Variants in SOX6 observed in about 807,000 individuals in gnomAD.
The protein encoded by SOX6 is transcription factor SOX-6.
In SOX6, 11 loss-of-function variants were observed where a neutral mutation model predicts 97.8. That is an observed-to-expected ratio of 0.11 (90% CI 0.07 to 0.19). SOX6 has a LOEUF of 0.19. SOX6 is among the 10% of genes least tolerant of loss of function. The probability of loss-of-function intolerance (pLI) is 1.00; values close to 1 mark genes in which losing one functional copy is unlikely to be tolerated. For missense variants in SOX6, 810 were observed against 1,039.5 expected, an observed-to-expected ratio of 0.78 and a Z score of 3.04; for synonymous variants, 360 against 371.4, an observed-to-expected ratio of 0.97 and a Z score of 0.35.
At chr11:16,210,120 G>A (rs986003361) in intron 4 of SOX6, among the ~76,000 whole-genome samples, 1 of 152,056 alleles carries the variant, frequency 6.6e-6, no homozygotes, top group African/African-American at 2.4e-5. Context: ...AGATGACCCA[G>A]CAATTCCATC....
At chr11:16,373,773 G>T (rs954176950) in intron 1 of SOX6, among the ~76,000 whole-genome samples, 1 of 146,084 alleles carries the variant, frequency 6.8e-6, no homozygotes, top group Non-Finnish European at 1.5e-5. Flanking sequence ...ACATTATTAG[G>T]TCATAACCAT....
chr11:16,408,211 C>G (rs1315233399), intron 1 of SOX6, among the ~76,000 whole-genome samples: 1 of 152,126 alleles, frequency 6.6e-6, no homozygotes, highest in Non-Finnish European at 1.5e-5. Flanking sequence ...AACACTAAGT[C>G]CATGTTCAGA....
chr11:16,530,851 G>A (rs1213390938), intron 4 of SOX6, among the ~76,000 whole-genome samples: 3 of 151,508 alleles, frequency 2.0e-5, no homozygotes, highest in African/African-American at 7.2e-5. Flanking sequence ...CTGACTTAAG[G>A]TGCTTCGTTG....
intron 1 of SOX6, among the ~76,000 whole-genome samples, chr11:16,388,665 CACA>C (rs1054443209): frequency 1.3e-4 from 20 of 151,942 alleles, no homozygotes; most frequent in Admixed American, 3.3e-4. Flanking sequence ...TACAGATATT[CACA>C]ATATTTTCTT....
At chr11:15,992,455 C>G (rs1406899333) in intron 13 of SOX6, among the ~76,000 whole-genome samples, 2 of 152,042 alleles carry the variant, frequency 1.3e-5, no homozygotes, top group African/African-American at 2.4e-5. Flanking sequence ...TATTTTTGCC[C>G]CCTTCCTGTC....
intron 1 of SOX6, among the ~76,000 whole-genome samples, chr11:16,462,513 C>A (rs1049605680): frequency 6.6e-6 from 1 of 151,858 alleles, no homozygotes; most frequent in African/African-American, 2.4e-5. Context: ...GAAAGCAGAA[C>A]GGAAAGGCAG....
Position 15,972,535 on chromosome 11 carries a change from G to T in SOX6, c.*274C>A, listed in dbSNP as rs540325573. The T allele has an allele frequency of 2.2e-6, 1 of 458,126 alleles. No individual in the cohort carries two copies. The highest frequency in any genetic ancestry group is 3.8e-5 in the Admixed American group (1 of 26,332). The allele number at this position is 458,126 out of a possible 1,614,324, so 28.4% of individuals were successfully genotyped here. A position where few individuals can be genotyped will look rare whatever the true frequency, so the allele number is the denominator to read the frequency against. Reference sequence around the variant, plus strand: ...AATATAAGACTTGTAAGACATCTACGGGTTGAGATAAGTTTCAAGTCCTGG... The same window carrying T: ...AATATAAGACTTGTAAGACATCTACTGGTTGAGATAAGTTTCAAGTCCTGG... On this transcript the variant is annotated 3_prime_UTR_variant, in exon 16 of 16. Coordinates refer to ENST00000683767, the MANE Select transcript of SOX6 (RefSeq NM_001367873.1).
intron 1 of SOX6, among the ~76,000 whole-genome samples, chr11:16,428,448 T>C (rs546565404): frequency 1.3e-5 from 2 of 152,378 alleles, no homozygotes; most frequent in East Asian, 3.9e-4. Context: ...CTAGGGTTTT[T>C]ATGGTTTTAG....
Position 16,561,096 on chromosome 11 carries a change from T to C in SOX6, n.609+50985A>G, listed in dbSNP as rs75592731. ...ACTTATCCATGTAACCAAAACCACC[T>C]GTTCCCAAAAAACTATTGAAATATT... On this transcript the variant is annotated intron_variant and non_coding_transcript_variant, in intron 4 of 5. Coordinates refer to the SOX6 transcript ENST00000524520. Among the ~76,000 whole-genome samples, 481 of 151,866 alleles carry C rather than the reference T, an allele frequency of 3.2e-3. 4 individuals carry two copies. The highest frequency in any genetic ancestry group is 0.011 in the African/African-American group (454 of 41,420).
At chr11:16,074,929 T>C (rs556614529) in intron 9 of SOX6, among the ~76,000 whole-genome samples, 11 of 151,724 alleles carry the variant, frequency 7.3e-5, no homozygotes, top group Non-Finnish European at 1.5e-4. Flanking sequence ...CTAAGCAAAA[T>C]ATAAAGGTGG....
intron 4 of SOX6, among the ~76,000 whole-genome samples, chr11:16,539,105 A>G (rs534868663): frequency 4.7e-4 from 71 of 152,368 alleles, no homozygotes; most frequent in African/African-American, 1.7e-3. Context: ...GTGAAAGAAC[A>G]GAAATCACAA....
chr11:16,671,609 G>GA (rs1014345038), intron 3 of SOX6, among the ~76,000 whole-genome samples: 4 of 151,806 alleles, frequency 2.6e-5, no homozygotes, highest in Non-Finnish European at 5.9e-5. Context: ...AAAAGAAAAT[G>GA]AAAAAAAATG....
Position 16,328,861 on chromosome 11 carries a change from T to TTCACATAC in SOX6, c.238-10209_238-10208insGTATGTGA, listed in dbSNP as rs1856190478. On this transcript the variant is annotated intron_variant, in intron 2 of 15. Transcript: ENST00000683767. Reference sequence around the variant, plus strand: ...TTTCTCAGAGGAAAAAAGTATGTTTTTTTCTAATGTGACATACTGTAAAGA... The same window carrying TTCACATAC: ...TTTCTCAGAGGAAAAAAGTATGTTTTTCACATACTTTCTAATGTGACATACTGTAAAGA... Among the ~76,000 whole-genome samples the TTCACATAC allele has an allele frequency of 1.1e-4, 16 of 152,278 alleles. No individual in the cohort carries two copies. In the South Asian group the frequency reaches 3.3e-3, roughly 32 times the overall value.
chr11:16,398,851 C>G (rs895753680), intron 1 of SOX6, among the ~76,000 whole-genome samples: 1 of 150,320 alleles, frequency 6.7e-6, no homozygotes, highest in African/African-American at 2.4e-5. Context: ...TAAAGGAAAA[C>G]CCTTGAGAAC....
intron 9 of SOX6, among the ~76,000 whole-genome samples, chr11:16,071,435 T>C (rs1012129942): frequency 6.6e-6 from 1 of 152,112 alleles, no homozygotes; most frequent in Non-Finnish European, 1.5e-5. Flanking sequence ...ATGACTCTAC[T>C]CAACCCCACC....
At chr11:16,048,172 A>G (rs1590158756) in intron 11 of SOX6, among the ~76,000 whole-genome samples, 2 of 152,224 alleles carry the variant, frequency 1.3e-5, no homozygotes, top group Non-Finnish European at 2.9e-5. Flanking sequence ...TCAACTCTAT[A>G]ATTTATCTCC....
At chr11:16,686,710 A>G (rs1590052136) in intron 3 of SOX6, among the ~76,000 whole-genome samples, 1 of 152,192 alleles carries the variant, frequency 6.6e-6, no homozygotes, top group Non-Finnish European at 1.5e-5. Flanking sequence ...GCTCATTACC[A>G]AATTCCAGAG....
At chr11:16,305,368 T>C (rs1169565968) in intron 3 of SOX6, among the ~76,000 whole-genome samples, 1 of 152,192 alleles carries the variant, frequency 6.6e-6, no homozygotes, top group Non-Finnish European at 1.5e-5. Context: ...AAGATATCAG[T>C]ACACACCTAT....
At chr11:16,313,538 G>A (rs570353058) in intron 3 of SOX6, 15 of 152,098 alleles carry the variant, frequency 9.9e-5, no homozygotes, top group Non-Finnish European at 1.9e-4. Flanking sequence ...GAACTTTAAA[G>A]GATCAATGTC....
Sources: gnomAD v4.1 joint callset for allele counts (sites outside exome capture counted in the v4.1 genomes callset) on GRCh38, gnomAD v4.1.1 for gene constraint, MANE v1.5 for transcripts, NCBI Gene and HGNC (gene_info 2026-07-23, HGNC 2026-07-21) for gene names.